Variants in VASH1 observed in about 807,000 individuals in gnomAD.
VASH1 encodes the protein tubulinyl-Tyr carboxypeptidase 1.
A neutral mutation model predicts 35.0 loss-of-function variants in VASH1; 16 were observed. That is an observed-to-expected ratio of 0.46 (90% CI 0.31 to 0.70). The LOEUF is 0.70. Among genes scored for constraint, VASH1 ranks in the 30% least tolerant of loss-of-function variants. The pLI is 0.05. For synonymous variants in VASH1, 214 were observed against 200.9 expected (o/e 1.07, Z -0.55); for missense variants, 505 against 510.7 (o/e 0.99, Z 0.11).
chr14:76,776,033 G>C lies in VASH1; in HGVS notation c.672G>C (p.Glu224Asp). 2 of 1,612,180 alleles carry C rather than the reference G, an allele frequency of 1.2e-6. No homozygotes were observed. The highest frequency in any genetic ancestry group is 1.7e-6 in the Non-Finnish European group (2 of 1,179,780). ...GTGCGCTGGGCATGAGTCGGCGCGA[G>C]GACCTGATGTACAAGCCGCCCGCCT... ...RYGALGMSRR[E>D]DLMYKPPAFR... The change falls in exon 5 of 7, where the codon GAG becomes GAC. Residue 224 changes from glutamate to aspartate, a missense_variant. Physicochemically the swap from Glu to Asp is conservative, Grantham distance 45 (BLOSUM62 2). Coordinates refer to ENST00000167106, the MANE Select transcript of VASH1 (RefSeq NM_014909.5).
In VASH1 at chr14:76,781,577, G is replaced by C. The variant is rs1464763336; in HGVS notation, c.*2559G>C. On this transcript the variant is annotated 3_prime_UTR_variant, in exon 7 of 7. Transcript: ENST00000167106. ...AGTCTTAGGAGGTTCCAACTTGCAG[G>C]ATCCTTTCCCAGAGCCCTCCATGGA... The C allele has an allele frequency of 6.6e-6, 1 of 152,102 alleles. No individual in the cohort carries two copies. Among genetic ancestry groups the C allele is most frequent in the Non-Finnish European group, 1.5e-5 (1 of 68,054 alleles). The allele number at this position is 152,102 out of a possible 1,614,324, so 9.4% of individuals were successfully genotyped here.
At chr14:76,766,996 G>T (rs1893658977) in intron 1 of VASH1, among the ~76,000 whole-genome samples, 1 of 152,146 alleles carries the variant, frequency 6.6e-6, no homozygotes, top group African/African-American at 2.4e-5. Context: ...TGTAATCCCA[G>T]CACTTTGGGA....
At chr14:76,775,136 G>A (rs1305046036) in intron 4 of VASH1, among the ~76,000 whole-genome samples, 1 of 152,210 alleles carries the variant, frequency 6.6e-6, no homozygotes. Flanking sequence ...TGCTTGGGAG[G>A]TTTGCATTCT....
intron 3 of VASH1, 49 bp from the exon 4 acceptor site, chr14:76,773,088 G>A: frequency 6.3e-7 from 1 of 1,587,470 alleles, no homozygotes; most frequent in Non-Finnish European, 8.6e-7. Flanking sequence ...ACATTCCCCT[G>A]GAGGGGCTGG....
At chr14:76,765,106 G>A (rs1235443821) in intron 1 of VASH1, among the ~76,000 whole-genome samples, 1 of 152,176 alleles carries the variant, frequency 6.6e-6, no homozygotes, top group African/African-American at 2.4e-5. Context: ...AACAAGTCGG[G>A]CAGCTCTCCA....
In VASH1 at chr14:76,781,972, T is replaced by A. The variant is rs1339795174; in HGVS notation, c.*2954T>A. 1 of 152,578 alleles carries A rather than the reference T, an allele frequency of 6.6e-6. No individual in the cohort carries two copies. Among genetic ancestry groups the A allele is most frequent in the African/African-American group, 2.4e-5 (1 of 41,432 alleles). 9.5% of individuals were successfully genotyped at this position (152,578 alleles called of 1,614,324 possible). ...CCCAGCTCCCCCCAGTTCAGGACTG[T>A]CTTTCAGCTCCTTTGCCCCTGGAGG... On this transcript the variant is annotated 3_prime_UTR_variant, in exon 7 of 7. Transcript: ENST00000167106.
Position 76,761,496 on chromosome 14 carries a change from C to G in VASH1, c.-1326C>G, listed in dbSNP as rs2140168575. ...GGCCGTAGTCGAGCCTGGTGGGCGG[C>G]TGGCTGGCAGGGGACGTGGTCGGCG... On this transcript the variant is annotated 5_prime_UTR_variant, in exon 1 of 7. Transcript: ENST00000167106. 6.5e-6 allele frequency: 1 copy of G among 152,996 alleles called. No individual in the cohort carries two copies. The highest frequency in any genetic ancestry group is 1.9e-4 in the East Asian group (1 of 5,178). 9.5% of individuals were successfully genotyped at this position (152,996 alleles called of 1,614,324 possible).
intron 1 of VASH1, among the ~76,000 whole-genome samples, chr14:76,768,868 T>C (rs1893715662): frequency 1.3e-5 from 2 of 152,238 alleles, no homozygotes; most frequent in East Asian, 1.9e-4. Flanking sequence ...GGGACCTCTC[T>C]ATGTGGGGAG....
chr14:76,778,574 CAG>C (rs1894010862), intron 6 of VASH1, among the ~76,000 whole-genome samples: 1 of 152,164 alleles, frequency 6.6e-6, no homozygotes, highest in Admixed American at 6.5e-5. Context: ...GGTATGAATT[CAG>C]GGGTGGGGTA....
Position 76,762,560 on chromosome 14 carries a change from G to T in VASH1, c.-262G>T. On this transcript the variant is annotated 5_prime_UTR_variant, in exon 1 of 7. Transcript: ENST00000167106. ...GTGCTTTGTGACGGCTGCCAAGTTG[G>T]GGTGTGTTCTCTTTATTCCGTTTTT... 2.9e-6 allele frequency: 1 copy of T among 346,648 alleles called. No individual in the cohort carries two copies. The highest frequency in any genetic ancestry group is 5.3e-6 in the Non-Finnish European group (1 of 189,226). The allele number at this position is 346,648 out of a possible 1,614,324, so 21.5% of individuals were successfully genotyped here.
rs1270150352 is a variant in VASH1 at position 76,762,512 on chromosome 14, A to G, written c.-310A>G. 3 of 237,352 alleles carry G rather than the reference A, an allele frequency of 1.3e-5. No individual in the cohort carries two copies. Among genetic ancestry groups the G allele is most frequent in the Admixed American group, 1.1e-4 (2 of 17,658 alleles). 14.7% of individuals were successfully genotyped at this position (237,352 alleles called of 1,614,324 possible). On this transcript the variant is annotated 5_prime_UTR_variant, in exon 1 of 7. Transcript: ENST00000167106. ...CTGCCAGCCCTCACTGCTGCCCGTC[A>G]TTGTTCTCGCAGTTAGATGGGGGTG...
intron 1 of VASH1, among the ~76,000 whole-genome samples, chr14:76,765,609 C>T (rs1893622569): frequency 6.6e-6 from 1 of 152,190 alleles, no homozygotes; most frequent in Non-Finnish European, 1.5e-5. Context: ...CTGGAGCTGG[C>T]ACAGGGTCAT....
chr14:76,773,246 C>A (rs1357884344), intron 4 of VASH1, 35 bp downstream of exon 4: 14 of 1,607,400 alleles, frequency 8.7e-6, no homozygotes, highest in Non-Finnish European at 1.1e-5. Context: ...GGGGTCCGGG[C>A]TTCTCTGGGC....
rs542355703 is a variant in VASH1, at chr14:76,763,430, T to C, written c.309+300T>C. On this transcript the variant is annotated intron_variant, in intron 1 of 6. Coordinates refer to ENST00000167106, the MANE Select transcript of VASH1 (RefSeq NM_014909.5). ...CACAGTAGGATGGCTTGACGTCTCA[T>C]TTGCTTGATGACACTTGCCAAGCCA... 3.3e-5 allele frequency among the ~76,000 whole-genome samples: 5 copies of C among 152,278 alleles called. No individual in the cohort carries two copies. The East Asian group carries it at 9.6e-4, about 29-fold the overall frequency.
At chr14:76,765,022 A>T (rs1224348869) in intron 1 of VASH1, among the ~76,000 whole-genome samples, 1 of 152,098 alleles carries the variant, frequency 6.6e-6, no homozygotes, top group Non-Finnish European at 1.5e-5. Context: ...TATGTGCTTT[A>T]TCAAGCGGCA....
At chr14:76,771,142 T>A in intron 2 of VASH1, 48 bp from the exon 3 acceptor site, 1 of 1,489,146 alleles carries the variant, frequency 6.7e-7, no homozygotes, top group Non-Finnish European at 9.0e-7. Context: ...GAAGAGAGGG[T>A]CAACCTCCTT....
chr14:76,763,281 A>G, intron 1 of VASH1, 151 bp downstream of exon 1: 2 of 821,780 alleles, frequency 2.4e-6, no homozygotes, highest in Non-Finnish European at 1.7e-6. Flanking sequence ...TGTCTAGGAG[A>G]ACTTTCTCTC....
intron 4 of VASH1, among the ~76,000 whole-genome samples, chr14:76,775,499 C>T (rs1595276764): frequency 6.6e-6 from 1 of 152,060 alleles, no homozygotes; most frequent in Non-Finnish European, 1.5e-5. Flanking sequence ...AGTGAAGCCG[C>T]GTCTGTGGCC....
chr14:76,770,090 C>T (rs750658815), intron 2 of VASH1, 39 bp downstream of exon 2: 93 of 1,589,096 alleles, frequency 5.9e-5, no homozygotes, highest in Non-Finnish European at 7.7e-5. Context: ...ACCTTCTGGC[C>T]GGTGTGGTGG....
Sources: allele counts gnomAD v4.1 joint callset (sites outside exome capture counted in the v4.1 genomes callset), GRCh38; gene constraint gnomAD v4.1.1; transcripts MANE v1.5; gene names NCBI Gene and HGNC (gene_info 2026-07-23, HGNC 2026-07-21).